DOCK9: variants seen among roughly 807,000 people sequenced by gnomAD.
DOCK9 encodes the protein dedicator of cytokinesis protein 9.
In DOCK9, 89 loss-of-function variants were observed where a neutral mutation model predicts 263.3. That is an observed-to-expected ratio of 0.34 (90% CI 0.28 to 0.40). The LOEUF (loss-of-function observed/expected upper bound fraction) is 0.40, where lower values mean the gene tolerates loss of function less well. DOCK9 is among the 10% of genes least tolerant of loss of function. The pLI is 1.00. For missense variants in DOCK9, 2,140 were observed against 2,603.4 expected, an observed-to-expected ratio of 0.82 and a Z score of 3.87; for synonymous variants, 976 against 973.1, an observed-to-expected ratio of 1.00 and a Z score of -0.06.
At chr13:99,049,097 C>G (rs2040567199) in intron 1 of DOCK9, among the ~76,000 whole-genome samples, 2 of 152,198 alleles carry the variant, frequency 1.3e-5, no homozygotes, top group African/African-American at 4.8e-5. Context: ...ACTCTGTTTT[C>G]TGGACCCAAC....
intron 1 of DOCK9, among the ~76,000 whole-genome samples, chr13:99,076,798 G>A (rs898827639): frequency 7.2e-5 from 11 of 152,018 alleles, no homozygotes; most frequent in African/African-American, 1.7e-4. Context: ...CAGGCCCTGC[G>A]AAAACCACGG....
chr13:98,954,653 A>G (rs144324664), intron 2 of DOCK9, among the ~76,000 whole-genome samples: 1,582 of 152,318 alleles, frequency 0.01, 26 homozygotes, highest in African/African-American at 0.036. Flanking sequence ...CTGGGAGCCC[A>G]CACAGAGTGC....
chr13:98,805,789 T>A (rs1566536537), intron 48 of DOCK9, among the ~76,000 whole-genome samples: 1 of 152,152 alleles, frequency 6.6e-6, no homozygotes, highest in Non-Finnish European at 1.5e-5. Context: ...GAGACAGAGT[T>A]TTGCTCTTGT....
Position 98,809,004 on chromosome 13 carries a change from AT to A in DOCK9, c.5367+347del. 6.2e-6 allele frequency: 8 copies of A among 1,292,340 alleles called. 1 individual carries two copies. The highest frequency in any genetic ancestry group is 4.8e-5 in the South Asian group (3 of 62,446). The allele number at this position is 1,292,340 out of a possible 1,614,324, so 80.1% of individuals were successfully genotyped here. On this transcript the variant is annotated intron_variant, in intron 47 of 52. Coordinates refer to ENST00000682017, the MANE Select transcript of DOCK9 (RefSeq NM_001366683.2). ...TTTCTGTAAATGGAATAAAATGTTA[AT>A]TTTTTTGGAGTTTGTAATAACTAGA...
At chr13:98,858,879 A>C (rs1355876892) in intron 33 of DOCK9, 1 of 152,230 alleles carries the variant, frequency 6.6e-6, no homozygotes, top group Non-Finnish European at 1.5e-5. Flanking sequence ...AAGAGTCAAA[A>C]GAGTCAAACA....
At chr13:98,821,961 C>T (rs1251860511) in intron 45 of DOCK9, among the ~76,000 whole-genome samples, 2 of 152,316 alleles carry the variant, frequency 1.3e-5, no homozygotes, top group East Asian at 3.9e-4. Context: ...CAGAGATTTT[C>T]ATCTCTCTTT....
At chr13:98,888,109 A>G (rs757454380) in intron 18 of DOCK9, 49 bp downstream of exon 18, 106 of 1,363,288 alleles carry the variant, frequency 7.8e-5, no homozygotes, top group Middle Eastern at 6.5e-4. Context: ...CATTTTGAAA[A>G]TGGAAAAATC....
At chr13:98,928,392 G>A (rs1488128404) in intron 3 of DOCK9, among the ~76,000 whole-genome samples, 2 of 152,212 alleles carry the variant, frequency 1.3e-5, no homozygotes, top group Non-Finnish European at 1.5e-5. Context: ...GGATGAAGAG[G>A]AAGTGATGTT....
At chr13:98,937,426 A>G (rs2055056595) in intron 2 of DOCK9, among the ~76,000 whole-genome samples, 1 of 152,226 alleles carries the variant, frequency 6.6e-6, no homozygotes, top group Admixed American at 6.5e-5. Context: ...TAGATGATCG[A>G]TAGACAGATA....
chr13:98,833,541 C>T (rs775545775), intron 39 of DOCK9, among the ~76,000 whole-genome samples: 4 of 152,200 alleles, frequency 2.6e-5, no homozygotes, highest in Non-Finnish European at 4.4e-5. Flanking sequence ...TCTCTATGGT[C>T]ATGGCCTTTA....
chr13:98,945,391 G>C (rs1394772135), intron 2 of DOCK9, among the ~76,000 whole-genome samples: 1 of 152,080 alleles, frequency 6.6e-6, no homozygotes, highest in Non-Finnish European at 1.5e-5. Context: ...CCTTCCTCCC[G>C]TGAGCTCTCA....
At position 98,915,471 on chromosome 13, in the gene DOCK9, G is replaced by A; in HGVS notation, c.750C>T (p.Leu250=). 1 of 1,613,230 alleles carries A rather than the reference G, an allele frequency of 6.2e-7. No homozygotes were observed. Among genetic ancestry groups the A allele is most frequent in the Non-Finnish European group, 8.5e-7 (1 of 1,179,648 alleles). ...NNKVRRFAFE[L]KMQDKSSYLL... ...GATAACTACTTTTGTCCTGCATCTT[G>A]AGCTCAAAAGCAAAACGCCTGACTT... Residue 250 remains leucine, a synonymous_variant, in exon 8 of 53, where the codon CTC becomes CTT. Coordinates refer to ENST00000682017, the MANE Select transcript of DOCK9 (RefSeq NM_001366683.2).
intron 52 of DOCK9, chr13:98,796,287 T>C (rs1370974087): frequency 2.4e-6 from 3 of 1,255,568 alleles, no homozygotes; most frequent in Non-Finnish European, 3.4e-6. Flanking sequence ...TTTCCTGCAA[T>C]GAAAATGTAC....
At chr13:99,051,041 C>T (rs2040669072) in intron 1 of DOCK9, among the ~76,000 whole-genome samples, 2 of 152,212 alleles carry the variant, frequency 1.3e-5, no homozygotes, top group Non-Finnish European at 2.9e-5. Context: ...CCCAGCTTCC[C>T]AGCCCGCCTC....
At chr13:98,952,299 G>A (rs1161049721) in intron 2 of DOCK9, among the ~76,000 whole-genome samples, 2 of 151,728 alleles carry the variant, frequency 1.3e-5, no homozygotes, top group Non-Finnish European at 2.9e-5. Flanking sequence ...GCAGTGGCAC[G>A]ATCTCAGCTT....
chr13:99,013,888 C>T (rs9517544), intron 1 of DOCK9, among the ~76,000 whole-genome samples: 65,936 of 152,040 alleles, frequency 0.43, 14,802 homozygotes, highest in East Asian at 0.65. Context: ...AGAAGAGGTC[C>T]CAGAGGGCAA....
Position 98,999,316 on chromosome 13 carries a change from A to ACACACTCTCTCTCTCT in DOCK9, c.130-43766_130-43765insAGAGAGAGAGAGTGTG. Among the ~76,000 whole-genome samples, 1,066 of 138,328 alleles carry ACACACTCTCTCTCTCT rather than the reference A, an allele frequency of 7.7e-3. 13 individuals carry two copies. The highest frequency in any genetic ancestry group is 0.029 in the African/African-American group (1,021 of 35,504). 90.7% of individuals were successfully genotyped at this position (138,328 alleles called of 152,430 possible). Reference sequence around the variant, plus strand: ...CACACACACACACACACACACACACACTCTCTCTCTCTCTCTCTCTGGAAG... The same window carrying ACACACTCTCTCTCTCT: ...CACACACACACACACACACACACACACACACTCTCTCTCTCTCTCTCTCTCTCTCTCTCTCTGGAAG... On this transcript the variant is annotated intron_variant, in intron 1 of 32. Coordinates refer to the DOCK9 transcript ENST00000427887.
chr13:98,798,450 G>A (rs1320944101), intron 50 of DOCK9, among the ~76,000 whole-genome samples: 1 of 152,222 alleles, frequency 6.6e-6, no homozygotes, highest in Non-Finnish European at 1.5e-5. Flanking sequence ...GGGGCAATGG[G>A]TGAACAGCCC....
intron 1 of DOCK9, among the ~76,000 whole-genome samples, chr13:99,060,223 G>A (rs944206562): frequency 4.0e-5 from 6 of 151,712 alleles, no homozygotes; most frequent in African/African-American, 1.5e-4. Flanking sequence ...ACAGGCACCC[G>A]TCACCGCACC....
Sources: gnomAD v4.1 joint callset for allele counts (sites outside exome capture counted in the v4.1 genomes callset) on GRCh38, gnomAD v4.1.1 for gene constraint, MANE v1.5 for transcripts, NCBI Gene and HGNC (gene_info 2026-07-23, HGNC 2026-07-21) for gene names.